RSPO2: variants seen among roughly 807,000 people sequenced by gnomAD.
RSPO2 encodes the protein R-spondin 2.
RSPO2 carries 14 observed loss-of-function variants against 30.9 expected under a neutral mutation model. The observed-to-expected ratio is 0.45, with a 90% CI of 0.30 to 0.71. The LOEUF (loss-of-function observed/expected upper bound fraction) is 0.71, where lower values mean the gene tolerates loss of function less well. Among genes scored for constraint, RSPO2 ranks in the 30% least tolerant of loss-of-function variants. The pLI is 0.08. For missense variants in RSPO2, 264 were observed against 301.9 expected (o/e 0.87, Z 0.93); for synonymous variants, 107 against 96.4 (o/e 1.11, Z -0.64).
chr8:108,003,273 GTGTGTATATATATA>G (rs1815315089), intron 2 of RSPO2, among the ~76,000 whole-genome samples: 1 of 69,644 alleles, frequency 1.4e-5, no homozygotes, highest in African/African-American at 5.9e-5. Flanking sequence ...GTGTGTGTGT[GTGTGTATATATATA>G]TATATATATA....
rs576229618 is a variant in RSPO2 at position 108,004,694 on chromosome 8, T to C, written c.95-15450A>G. ...ATGTGTATGTATATGTAGCCAGATA[T>C]GTATATAGACATGTAGGTTTATACA... On this transcript the variant is annotated intron_variant, in intron 2 of 5. Transcript: ENST00000276659. 1.5e-3 allele frequency among the ~76,000 whole-genome samples: 230 copies of C among 152,234 alleles called. 1 individual carries two copies. The highest frequency in any genetic ancestry group is 3.2e-3 in the Middle Eastern group (1 of 316).
intron 2 of RSPO2, among the ~76,000 whole-genome samples, chr8:108,017,608 G>A (rs905909153): frequency 2.0e-5 from 3 of 150,392 alleles, no homozygotes; most frequent in Non-Finnish European, 4.4e-5. Flanking sequence ...AGTAGTCAAG[G>A]GGGGATGGGG....
At chr8:107,976,300 A>C (rs949314955) in intron 3 of RSPO2, among the ~76,000 whole-genome samples, 3 of 152,216 alleles carry the variant, frequency 2.0e-5, no homozygotes, top group Non-Finnish European at 4.4e-5. Context: ...TGCATGGTTT[A>C]ATTAAAGAAA....
chr8:107,992,122 A>T (rs954847182), intron 2 of RSPO2, among the ~76,000 whole-genome samples: 6 of 151,472 alleles, frequency 4.0e-5, no homozygotes, highest in African/African-American at 1.5e-4. Flanking sequence ...TAGCAAAGAC[A>T]TGGAATCAAC....
At position 107,900,257 on chromosome 8, in the gene RSPO2, C is replaced by CTCTT. The variant is rs945426764; in HGVS notation, c.*814_*817dup. ...GGAGAAGGTCTACCCAATATGCAAA[C>CTCTT]TCTTTGACACTGGTCATTTGACTCT... On this transcript the variant is annotated 3_prime_UTR_variant, in exon 6 of 6. Coordinates refer to ENST00000276659, the MANE Select transcript of RSPO2 (RefSeq NM_178565.5). The CTCTT allele has an allele frequency of 1.3e-5, 2 of 152,050 alleles. No individual in the cohort carries two copies. Among genetic ancestry groups the CTCTT allele is most frequent in the African/African-American group, 4.8e-5 (2 of 41,390 alleles). The allele number at this position is 152,050 out of a possible 1,614,324, so 9.4% of individuals were successfully genotyped here.
At chr8:108,031,008 A>AAG (rs1192187832) in intron 2 of RSPO2, among the ~76,000 whole-genome samples, 1 of 152,220 alleles carries the variant, frequency 6.6e-6, no homozygotes, top group Non-Finnish European at 1.5e-5. Flanking sequence ...TTTAAGGATC[A>AAG]AGATGACTAC....
At chr8:108,063,955 C>A (rs1266961672) in intron 2 of RSPO2, among the ~76,000 whole-genome samples, 3 of 152,136 alleles carry the variant, frequency 2.0e-5, no homozygotes, top group Non-Finnish European at 2.9e-5. Context: ...ATAAATGGTG[C>A]TGGGAAAACT....
intron 3 of RSPO2, among the ~76,000 whole-genome samples, chr8:107,979,678 A>T (rs569415460): frequency 3.0e-3 from 450 of 148,758 alleles, no homozygotes; most frequent in African/African-American, 0.01. Context: ...ATAATAATTA[A>T]AAAAAAAAAG....
At chr8:107,949,861 T>G (rs1001007587) in intron 5 of RSPO2, among the ~76,000 whole-genome samples, 8 of 152,158 alleles carry the variant, frequency 5.3e-5, no homozygotes, top group African/African-American at 1.9e-4. Context: ...CCCTTTAAAT[T>G]TATATGATTT....
intron 5 of RSPO2, among the ~76,000 whole-genome samples, chr8:107,903,782 G>C (rs1811550700): frequency 6.6e-6 from 1 of 151,940 alleles, no homozygotes; most frequent in African/African-American, 2.4e-5. Context: ...TGGTTGGTTG[G>C]TTTTGCTTTT....
intron 2 of RSPO2, among the ~76,000 whole-genome samples, chr8:108,002,431 G>T (rs1815281848): frequency 6.6e-6 from 1 of 152,178 alleles, no homozygotes; most frequent in South Asian, 2.1e-4. Flanking sequence ...GAATGTAAGT[G>T]CCATAGTGTC....
In RSPO2 at chr8:108,003,307, ATATATTTTTTTTTTTTTT is replaced by A. The variant is rs1205043747; in HGVS notation, c.95-14081_95-14064del. Among the ~76,000 whole-genome samples the A allele has an allele frequency of 5.0e-4, 11 of 21,876 alleles. No individual in the cohort carries two copies. The South Asian group carries it at 6.1e-3, about 12-fold the overall frequency. 14.4% of individuals were successfully genotyped at this position (21,876 alleles called of 152,430 possible). On this transcript the variant is annotated intron_variant, in intron 2 of 5. Transcript: ENST00000276659. Reference sequence around the variant, plus strand: ...TATATATATATATATATATATATATATATATTTTTTTTTTTTTTTTTTTTTTTTTTAAGTAGAGACGGG... The same window carrying A: ...TATATATATATATATATATATATATATTTTTTTTTTTTAAGTAGAGACGGG...
intron 5 of RSPO2, among the ~76,000 whole-genome samples, chr8:107,932,275 T>C (rs1441076850): frequency 1.3e-5 from 2 of 151,864 alleles, no homozygotes; most frequent in Non-Finnish European, 2.9e-5. Flanking sequence ...TAGAATCCAG[T>C]GGAATTGGTG....
At chr8:107,914,602 A>G (rs1437310110) in intron 5 of RSPO2, among the ~76,000 whole-genome samples, 1 of 152,154 alleles carries the variant, frequency 6.6e-6, no homozygotes, top group East Asian at 1.9e-4. Context: ...GTATTAGAAA[A>G]GCTAGACACT....
intron 2 of RSPO2, among the ~76,000 whole-genome samples, chr8:108,005,026 C>T (rs1815405082): frequency 6.6e-6 from 1 of 152,100 alleles, no homozygotes; most frequent in Non-Finnish European, 1.5e-5. Context: ...AATCATATCT[C>T]CAAGTCTCCT....
At chr8:107,975,992 G>T (rs1178383659) in intron 3 of RSPO2, among the ~76,000 whole-genome samples, 1 of 152,192 alleles carries the variant, frequency 6.6e-6, no homozygotes, top group Non-Finnish European at 1.5e-5. Context: ...AGCCACTCCT[G>T]CATAGTGATG....
intron 2 of RSPO2, among the ~76,000 whole-genome samples, chr8:108,078,749 G>A (rs938219520): frequency 1.3e-5 from 2 of 152,128 alleles, no homozygotes; most frequent in Admixed American, 1.3e-4. Flanking sequence ...GATTCAGTAC[G>A]GAAAAGGCTA....
At chr8:108,004,326 A>T (rs1348344045) in intron 2 of RSPO2, among the ~76,000 whole-genome samples, 2 of 152,138 alleles carry the variant, frequency 1.3e-5, no homozygotes, top group Non-Finnish European at 2.9e-5. Flanking sequence ...AAGAAAACAA[A>T]AATCACCCCC....
Position 107,900,003 on chromosome 8 carries a change from C to T in RSPO2, c.*1072G>A, listed in dbSNP as rs1009622544. The T allele has an allele frequency of 6.6e-6, 1 of 151,438 alleles. No homozygotes were observed. The highest frequency in any genetic ancestry group is 2.4e-5 in the African/African-American group (1 of 41,248). 9.4% of individuals were successfully genotyped at this position (151,438 alleles called of 1,614,324 possible). A position where few individuals can be genotyped will look rare whatever the true frequency, so the allele number is the denominator to read the frequency against. ...TTGGTAGGTGCCTTGTCATTTAAAG[C>T]CAGGGATTGCTTTAAATTTGGGGGA... On this transcript the variant is annotated 3_prime_UTR_variant, in exon 6 of 6. Coordinates refer to ENST00000276659, the MANE Select transcript of RSPO2 (RefSeq NM_178565.5).
Sources: gnomAD v4.1 joint callset for allele counts (sites outside exome capture counted in the v4.1 genomes callset) on GRCh38, gnomAD v4.1.1 for gene constraint, MANE v1.5 for transcripts, NCBI Gene and HGNC (gene_info 2026-07-23, HGNC 2026-07-21) for gene names.